Variants in CSMD1 observed in about 807,000 individuals in gnomAD.
The protein encoded by CSMD1 is CUB and Sushi multiple domains 1.
A neutral mutation model predicts 417.5 loss-of-function variants in CSMD1; 213 were observed. The observed-to-expected ratio is 0.51, with a 90% confidence interval of 0.46 to 0.57. The LOEUF (loss-of-function observed/expected upper bound fraction) is 0.57. Ranked by LOEUF, CSMD1 falls within the 20% of genes least tolerant of loss-of-function variation. The probability of loss-of-function intolerance (pLI) is 0.00; values close to 1 mark genes in which losing one functional copy is unlikely to be tolerated. For synonymous variants in CSMD1, 2,862 were observed against 1,736.8 expected, an observed-to-expected ratio of 1.65 and a Z score of -16.11; for missense variants, 6,923 against 4,529.7, an observed-to-expected ratio of 1.53 and a Z score of -15.17.
At chr8:4,888,429 A>G (rs1585268464) in intron 1 of CSMD1, among the ~76,000 whole-genome samples, 1 of 151,926 alleles carries the variant, frequency 6.6e-6, no homozygotes, top group Middle Eastern at 3.2e-3. Context: ...ACTGTCACAC[A>G]ACATATGATA....
intron 2 of CSMD1, among the ~76,000 whole-genome samples, chr8:4,432,696 T>C (rs1003733591): frequency 3.9e-5 from 6 of 152,180 alleles, no homozygotes; most frequent in South Asian, 2.1e-4. Context: ...GGCGTCTCTC[T>C]CCAGAGCCTG....
intron 3 of CSMD1, among the ~76,000 whole-genome samples, chr8:4,344,093 C>G (rs1002015726): frequency 6.6e-6 from 1 of 152,070 alleles, no homozygotes; most frequent in Non-Finnish European, 1.5e-5. Flanking sequence ...CACGGTATAC[C>G]AGCACCTCGA....
At position 4,248,997 on chromosome 8, in the gene CSMD1, A is replaced by T. The variant is rs4875311; in HGVS notation, c.415+170956T>A. Among the ~76,000 whole-genome samples the T allele has an allele frequency of 2.7e-3, 414 of 152,286 alleles. 7 individuals are homozygous for T. Among genetic ancestry groups the T allele is most frequent in the Admixed American group, 0.017 (259 of 15,290 alleles). ...AATTCAAAACATAAACAAACACTAG[A>T]CCATGTATTTAATGAACTTACAACA... On this transcript the variant is annotated intron_variant, in intron 3 of 69. Coordinates refer to ENST00000635120, the MANE Select transcript of CSMD1 (RefSeq NM_033225.6).
At chr8:3,332,093 A>T (rs182331311) in intron 23 of CSMD1, among the ~76,000 whole-genome samples, 71 of 152,368 alleles carry the variant, frequency 4.7e-4, no homozygotes, top group African/African-American at 1.7e-3. Context: ...CAGACACATG[A>T]TAGATACGTA....
At chr8:4,457,610 A>G (rs1460849277) in intron 2 of CSMD1, among the ~76,000 whole-genome samples, 1 of 152,172 alleles carries the variant, frequency 6.6e-6, no homozygotes, top group East Asian at 1.9e-4. Context: ...CTACTTAATC[A>G]TAATGGAGCC....
At chr8:4,052,694 T>C (rs1400523069) in intron 3 of CSMD1, among the ~76,000 whole-genome samples, 1 of 152,272 alleles carries the variant, frequency 6.6e-6, no homozygotes, top group South Asian at 2.1e-4. Context: ...AAGGTGTATA[T>C]ATTTGCTATT....
chr8:3,641,478 C>A (rs1488276878), intron 7 of CSMD1, among the ~76,000 whole-genome samples: 4 of 152,286 alleles, frequency 2.6e-5, no homozygotes, highest in Middle Eastern at 3.4e-3. Context: ...GCTGAAAGAA[C>A]AGGTAAACAC....
At chr8:3,606,302 G>C (rs897534529) in intron 8 of CSMD1, among the ~76,000 whole-genome samples, 1 of 152,128 alleles carries the variant, frequency 6.6e-6, no homozygotes, top group Non-Finnish European at 1.5e-5. Context: ...CACCCACCCA[G>C]ATGGTGTAGC....
At chr8:4,581,609 T>C (rs1799421209) in intron 2 of CSMD1, among the ~76,000 whole-genome samples, 1 of 152,240 alleles carries the variant, frequency 6.6e-6, no homozygotes, top group African/African-American at 2.4e-5. Context: ...AGACTATATT[T>C]AGGAATTGAT....
chr8:4,471,167 T>C (rs1186501507), intron 2 of CSMD1, among the ~76,000 whole-genome samples: 6 of 152,156 alleles, frequency 3.9e-5, no homozygotes, highest in African/African-American at 1.2e-4. Context: ...TGCCAGGCCT[T>C]ACTGGATTTA....
intron 6 of CSMD1, among the ~76,000 whole-genome samples, chr8:3,727,196 T>G (rs1056827929): frequency 1.3e-5 from 2 of 152,232 alleles, no homozygotes; most frequent in African/African-American, 4.8e-5. Context: ...ATGTTTAATT[T>G]TAAATTGTGT....
intron 30 of CSMD1, among the ~76,000 whole-genome samples, chr8:3,210,284 C>T (rs1797526679): frequency 6.6e-6 from 1 of 152,060 alleles, no homozygotes; most frequent in Non-Finnish European, 1.5e-5. Context: ...AAATGGAATC[C>T]TCCATTTGGG....
chr8:3,908,132 A>C (rs962439278), intron 5 of CSMD1, among the ~76,000 whole-genome samples: 1 of 152,170 alleles, frequency 6.6e-6, no homozygotes, highest in South Asian at 2.1e-4. Flanking sequence ...GAGAATAACA[A>C]ATACATGGCA....
chr8:3,780,041 T>C (rs77817041), intron 5 of CSMD1, among the ~76,000 whole-genome samples: 4,135 of 152,338 alleles, frequency 0.027, 76 homozygotes, highest in Non-Finnish European at 0.045. Context: ...ACTCTACTTC[T>C]ACTTTTGTGA....
At chr8:3,023,864 A>C (rs1809642661) in intron 51 of CSMD1, among the ~76,000 whole-genome samples, 1 of 151,986 alleles carries the variant, frequency 6.6e-6, no homozygotes, top group Admixed American at 6.6e-5. Flanking sequence ...CAAAAAAAAA[A>C]AAAAAAGGAA....
rs7815947 is a variant in CSMD1, at chr8:4,684,253, A to G, written c.86-46695T>C. ...TTTATACTTCGGACAACTTTCTACA[A>G]TAAGTGTGCATTGATTTTTAATCGT... On this transcript the variant is annotated intron_variant, in intron 1 of 69. Coordinates refer to ENST00000635120, the MANE Select transcript of CSMD1 (RefSeq NM_033225.6). 2.3e-3 allele frequency among the ~76,000 whole-genome samples: 354 copies of G among 152,356 alleles called. 3 individuals carry two copies. Among genetic ancestry groups the G allele is most frequent in the African/African-American group, 7.7e-3 (321 of 41,594 alleles).
At chr8:3,834,263 T>C (rs1183275806) in intron 5 of CSMD1, among the ~76,000 whole-genome samples, 1 of 152,204 alleles carries the variant, frequency 6.6e-6, no homozygotes, top group Non-Finnish European at 1.5e-5. Context: ...TATTCTCATC[T>C]GTATCTAGGG....
chr8:4,233,401 C>G (rs913741551), intron 3 of CSMD1, among the ~76,000 whole-genome samples: 1 of 152,148 alleles, frequency 6.6e-6, no homozygotes, highest in African/African-American at 2.4e-5. Flanking sequence ...GTGTTTTCCA[C>G]AAAATTCATG....
At chr8:3,820,175 C>G (rs2129082124) in intron 5 of CSMD1, among the ~76,000 whole-genome samples, 1 of 152,260 alleles carries the variant, frequency 6.6e-6, no homozygotes, top group East Asian at 1.9e-4. Flanking sequence ...AAAGTGCTCT[C>G]CAAAGTGCTG....
Sources: allele counts gnomAD v4.1 joint callset (sites outside exome capture counted in the v4.1 genomes callset), GRCh38; gene constraint gnomAD v4.1.1; transcripts MANE v1.5; gene names NCBI Gene and HGNC (gene_info 2026-07-23, HGNC 2026-07-21).